CNOT1: variants seen among roughly 807,000 people sequenced by gnomAD.
CNOT1 encodes the protein CCR4-NOT transcription complex subunit 1.
CNOT1 carries 15 observed loss-of-function variants against 273.8 expected under a neutral mutation model. The observed-to-expected ratio is 0.05, with a 90% CI of 0.04 to 0.08. The LOEUF (loss-of-function observed/expected upper bound fraction) is 0.08, where lower values mean the gene tolerates loss of function less well. Ranked by LOEUF, CNOT1 falls within the 10% of genes least tolerant of loss-of-function variation. The pLI is 1.00. For synonymous variants in CNOT1, 1,022 were observed against 1,005.5 expected (o/e 1.02, Z -0.31); for missense variants, 1,644 against 2,912.2 (o/e 0.56, Z 10.02).
intron 16 of CNOT1, among the ~76,000 whole-genome samples, chr16:58,569,276 C>T (rs2041176597): frequency 6.6e-6 from 1 of 151,906 alleles, no homozygotes; most frequent in Non-Finnish European, 1.5e-5. Flanking sequence ...TCGCCCTTCA[C>T]TATGCCTGGC....
chr16:58,598,650 TAAAG>T (rs1177536629), intron 2 of CNOT1, among the ~76,000 whole-genome samples: 1 of 145,156 alleles, frequency 6.9e-6, no homozygotes, highest in Non-Finnish European at 1.5e-5. Flanking sequence ...AAAAAAAAAG[TAAAG>T]AAAGGAAAAT....
chr16:58,568,330 TGCACTCCA>T (rs2041133152), intron 16 of CNOT1, among the ~76,000 whole-genome samples: 2 of 147,114 alleles, frequency 1.4e-5, no homozygotes, highest in Admixed American at 6.8e-5. Context: ...ATTGTGCCAC[TGCACTCCA>T]GGCTGGGCAA....
intron 8 of CNOT1, among the ~76,000 whole-genome samples, chr16:58,584,459 T>C (rs778152898): frequency 3.3e-5 from 5 of 151,960 alleles, no homozygotes; most frequent in Admixed American, 6.5e-5. Flanking sequence ...GCCTCCTGAG[T>C]AGCTGGGATT....
intron 16 of CNOT1, among the ~76,000 whole-genome samples, chr16:58,562,777 C>T (rs973028921): frequency 6.6e-6 from 1 of 151,958 alleles, no homozygotes; most frequent in Non-Finnish European, 1.5e-5. Flanking sequence ...GACCTGAGAT[C>T]GCGCCACTGC....
chr16:58,549,608 G>A (rs2040388668), intron 25 of CNOT1, 111 bp downstream of exon 25: 2 of 1,419,408 alleles, frequency 1.4e-6, no homozygotes, highest in South Asian at 1.5e-5. Context: ...ATTTCCAGAG[G>A]TACCTAATAT....
At chr16:58,528,219 A>G in intron 44 of CNOT1, 2 of 541,262 alleles carry the variant, frequency 3.7e-6, no homozygotes, top group Non-Finnish European at 6.7e-6. Flanking sequence ...TTCTGTAAAT[A>G]GAGCTAAATT....
In CNOT1 at chr16:58,582,771, AATC is replaced by A. The variant is rs745468922; in HGVS notation, c.1044+19_1044+21del. Reference sequence around the variant, plus strand: ...TATCATTCAAATACCACAAATCAAAAATCATCATCACATATACTCACCAGTTCT... The same window carrying A: ...TATCATTCAAATACCACAAATCAAAAATCATCACATATACTCACCAGTTCT... On this transcript the variant is annotated intron_variant, in intron 10 of 48. Transcript: ENST00000317147. 3 of 1,262,184 alleles carry A rather than the reference AATC, an allele frequency of 2.4e-6. No homozygotes were observed. Among genetic ancestry groups the A allele is most frequent in the Admixed American group, 1.7e-5 (1 of 58,654 alleles). 78.2% of individuals were successfully genotyped at this position (1,262,184 alleles called of 1,614,324 possible). A position where few individuals can be genotyped will look rare whatever the true frequency, so the allele number is the denominator to read the frequency against.
rs150626708 is a variant in CNOT1, at chr16:58,524,494, T to C, written c.6784+685A>G. 6.5e-3 allele frequency among the ~76,000 whole-genome samples: 993 copies of C among 152,196 alleles called. 10 individuals are homozygous for C. The highest frequency in any genetic ancestry group is 8.3e-3 in the Non-Finnish European group (564 of 68,018). The stretch of plus-strand genomic sequence containing the variant: ...CTCTTGGACGTGATGGTATTCAATT[T>C]TGTTATATCTTGAATTTAAGCTGTC... On this transcript the variant is annotated intron_variant, in intron 46 of 48. Transcript: ENST00000317147.
chr16:58,555,117 A>C, intron 21 of CNOT1, 134 bp downstream of exon 21: 6 of 1,276,642 alleles, frequency 4.7e-6, no homozygotes. Flanking sequence ...CTGAAGTGGG[A>C]GAATCACTTG....
intron 16 of CNOT1, among the ~76,000 whole-genome samples, 196 bp from the exon 17 acceptor site, chr16:58,560,558 G>A (rs755641755): frequency 4.6e-5 from 7 of 151,874 alleles, no homozygotes; most frequent in Admixed American, 2.6e-4. Flanking sequence ...TCAGCCTCCC[G>A]AGTACCAATC....
Position 58,575,107 on chromosome 16 carries a change from C to T in CNOT1, c.1727G>A (p.Gly576Asp). 6.2e-7 allele frequency: 1 copy of T among 1,613,942 alleles called. No individual in the cohort carries two copies. The highest frequency in any genetic ancestry group is 8.5e-7 in the Non-Finnish European group (1 of 1,179,982). Reference sequence around the variant, plus strand: ...GTCAATAACAAAGGCAAATGGAGTACCATTTAGCAGCATTGACAAGGCCTA... The same window carrying T: ...GTCAATAACAAAGGCAAATGGAGTATCATTTAGCAGCATTGACAAGGCCTA... ...DLKALSMLLNGTPFAFVIDLA... is the reference protein window; with the variant it reads ...DLKALSMLLNDTPFAFVIDLA... The change falls in exon 15 of 49, where the codon GGT becomes GAT. Residue 576 changes from glycine to aspartate, a missense_variant. Physicochemically the swap from Gly to Asp is moderately conservative, Grantham distance 94 (BLOSUM62 -1). Transcript: ENST00000317147.
In CNOT1 at chr16:58,620,653, T is replaced by TAAAAAAAA. The variant is rs200053031; in HGVS notation, c.-175+9067_-175+9074dup. Among the ~76,000 whole-genome samples, 879 of 106,668 alleles carry TAAAAAAAA rather than the reference T, an allele frequency of 8.2e-3. 11 individuals carry two copies. Among genetic ancestry groups the TAAAAAAAA allele is most frequent in the South Asian group, 0.016 (36 of 2,260 alleles). 70.0% of individuals were successfully genotyped at this position (106,668 alleles called of 152,430 possible). ...GACACAGCGAAGACTCTGTCTCATT[T>TAAAAAAAA]AAAAAAAAAAAAAAAAAAAAAAAAG... On this transcript the variant is annotated intron_variant, in intron 1 of 48. Transcript: ENST00000317147.
At chr16:58,532,456 G>A in intron 40 of CNOT1, 61 bp from the exon 41 acceptor site, 1 of 1,570,854 alleles carries the variant, frequency 6.4e-7, no homozygotes, top group South Asian at 1.2e-5. Flanking sequence ...CCACTTCGAT[G>A]TCATGCTTTT....
intron 1 of CNOT1, among the ~76,000 whole-genome samples, chr16:58,618,527 G>A (rs765230839): frequency 5.9e-5 from 9 of 151,962 alleles, no homozygotes; most frequent in South Asian, 2.1e-4. Flanking sequence ...ATGTTGCAGC[G>A]AGCTAAGATC....
At chr16:58,589,195 T>C (rs1461327415) in intron 2 of CNOT1, among the ~76,000 whole-genome samples, 1 of 152,112 alleles carries the variant, frequency 6.6e-6, no homozygotes, top group Non-Finnish European at 1.5e-5. Context: ...CACCACTGCT[T>C]CCAGCTGTAA....
intron 1 of CNOT1, among the ~76,000 whole-genome samples, chr16:58,603,829 AC>A (rs1398972705): frequency 6.6e-6 from 1 of 151,876 alleles, no homozygotes; most frequent in East Asian, 1.9e-4. Context: ...TAATCCCCAC[AC>A]CCCTGCCCCA....
chr16:58,530,493 G>A, intron 42 of CNOT1, 146 bp from the exon 43 acceptor site: 1 of 516,470 alleles, frequency 1.9e-6, no homozygotes, highest in Non-Finnish European at 3.3e-6. Flanking sequence ...CAAAAGATCG[G>A]CATTAAAGGC....
chr16:58,618,978 A>T (rs560653766), intron 1 of CNOT1, among the ~76,000 whole-genome samples: 59 of 152,248 alleles, frequency 3.9e-4, no homozygotes, highest in Admixed American at 1.6e-3. Flanking sequence ...GGATTTTTTG[A>T]GGCTGGGAGT....
At chr16:58,603,146 T>C (rs551999475) in intron 1 of CNOT1, among the ~76,000 whole-genome samples, 80 of 152,342 alleles carry the variant, frequency 5.3e-4, no homozygotes, top group African/African-American at 1.9e-3. Flanking sequence ...TGGATTACTA[T>C]GCTAGCCCTC....
Sources: gnomAD v4.1 joint callset for allele counts (sites outside exome capture counted in the v4.1 genomes callset) on GRCh38, gnomAD v4.1.1 for gene constraint, MANE v1.5 for transcripts, NCBI Gene and HGNC (gene_info 2026-07-23, HGNC 2026-07-21) for gene names.